The following MTRFR variants were observed in gnomAD, a reference collection of about 807,000 sequenced individuals.
MTRFR encodes mitochondrial translation release factor in rescue, also known as probable peptide chain release factor C12orf65, mitochondrial.
Under a neutral mutation model 11.9 loss-of-function variants are expected in MTRFR, and 10 were observed. The observed-to-expected ratio is 0.84, with a 90% CI of 0.52 to 1.42. The LOEUF (loss-of-function observed/expected upper bound fraction) is 1.42. Ranked by LOEUF, MTRFR falls within the 40% of genes most tolerant of loss-of-function variation. MTRFR has a pLI of 0.00. For synonymous variants in MTRFR, 77 were observed against 79.1 expected (o/e 0.97, Z 0.14); for missense variants, 196 against 197.9 (o/e 0.99, Z 0.06).
intron 1 of MTRFR, among the ~76,000 whole-genome samples, chr12:123,245,876 T>A (rs868551008): frequency 6.6e-6 from 1 of 152,156 alleles, no homozygotes; most frequent in South Asian, 2.1e-4. Flanking sequence ...TTCCTCTTTA[T>A]GGATGTGGAT....
At chr12:123,253,985 A>T in intron 2 of MTRFR, 29 bp downstream of exon 2, 1 of 1,612,306 alleles carries the variant, frequency 6.2e-7, no homozygotes, top group Non-Finnish European at 8.5e-7. Context: ...CTGAGGGGAG[A>T]GGCCCCGCCC....
rs1197939863 is a variant in MTRFR, at chr12:123,253,973, C to A, written c.282+17C>A. The A allele has an allele frequency of 1.2e-6, 2 of 1,613,560 alleles. No individual in the cohort carries two copies. The highest frequency in any genetic ancestry group is 1.7e-6 in the Non-Finnish European group (2 of 1,179,714). ...GTTGTAAAGGTAGATCACAGAAGGC[C>A]GCTGAGGGGAGAGGCCCCGCCCAAG... On this transcript the variant is annotated intron_variant, in intron 2 of 2. Coordinates refer to ENST00000253233, the MANE Select transcript of MTRFR (RefSeq NM_152269.5).
intron 1 of MTRFR, among the ~76,000 whole-genome samples, chr12:123,242,546 G>A (rs1240897846): frequency 6.6e-6 from 1 of 152,066 alleles, no homozygotes; most frequent in Non-Finnish European, 1.5e-5. Context: ...ATTGGAGTAG[G>A]GCCAAAGCTC....
intron 1 of MTRFR, among the ~76,000 whole-genome samples, chr12:123,234,620 T>C (rs2047807441): frequency 4.0e-5 from 6 of 151,850 alleles, no homozygotes; most frequent in Admixed American, 3.9e-4. Context: ...TGGTCTCGAA[T>C]TCCTGACCTC....
chr12:123,241,828 A>C (rs1008715831), intron 1 of MTRFR, among the ~76,000 whole-genome samples: 9 of 152,092 alleles, frequency 5.9e-5, no homozygotes, highest in Non-Finnish European at 8.8e-5. Flanking sequence ...TCTTGGTTTG[A>C]GTTGAATTTG....
intron 2 of MTRFR, 30 bp downstream of exon 2, chr12:123,253,986 G>C: frequency 6.2e-7 from 1 of 1,612,370 alleles, no homozygotes; most frequent in Non-Finnish European, 8.5e-7. Flanking sequence ...TGAGGGGAGA[G>C]GCCCCGCCCA....
intron 1 of MTRFR, chr12:123,250,022 G>A (rs2048094610): frequency 6.6e-6 from 1 of 152,190 alleles, no homozygotes; most frequent in Admixed American, 6.5e-5. Context: ...ATTATTCTTA[G>A]GTTTGGTCGT....
intron 1 of MTRFR, among the ~76,000 whole-genome samples, chr12:123,240,130 G>C (rs972074449): frequency 5.9e-5 from 9 of 151,456 alleles, no homozygotes; most frequent in African/African-American, 2.2e-4. Flanking sequence ...TTGAGAGGCT[G>C]AGGCTTGTGG....
intron 1 of MTRFR, among the ~76,000 whole-genome samples, chr12:123,240,209 CAA>C (rs55859746): frequency 0.32 from 42,695 of 134,836 alleles, 6,435 homozygotes; most frequent in South Asian, 0.37. Context: ...ATTAAAAATA[CAA>C]AAAAAAAAAA....
intron 1 of MTRFR, among the ~76,000 whole-genome samples, chr12:123,234,229 A>G (rs970752038): frequency 6.6e-6 from 1 of 152,158 alleles, no homozygotes; most frequent in African/African-American, 2.4e-5. Flanking sequence ...ATTTACCTCC[A>G]GGAGTTCTGG....
chr12:123,245,393 A>AT (rs559314638), intron 1 of MTRFR, among the ~76,000 whole-genome samples: 7 of 150,948 alleles, frequency 4.6e-5, no homozygotes, highest in African/African-American at 7.3e-5. Flanking sequence ...TGAATTTTAG[A>AT]TTTTTTTTTC....
chr12:123,252,963 T>TTTGATTTCAGAGATTCTCAAACA, intron 1 of MTRFR, among the ~76,000 whole-genome samples: 1 of 152,238 alleles, frequency 6.6e-6, no homozygotes, highest in East Asian at 1.9e-4. Context: ...ATCTTTACAT[T>TTTGATTTCAGAGATTCTCAAACA]TTGATTTCAG....
At chr12:123,243,542 A>C (rs28668335) in intron 1 of MTRFR, among the ~76,000 whole-genome samples, 99 of 139,978 alleles carry the variant, frequency 7.1e-4, no homozygotes, top group Non-Finnish European at 1.1e-3. Flanking sequence ...AAAAAAAAAA[A>C]AAAAATACAA....
At position 123,256,800 on chromosome 12, in the gene MTRFR, T is replaced by A; in HGVS notation, c.283-13T>A. The stretch of plus-strand genomic sequence containing the variant: ...CCTGTGGTTTTCACATTATAAAATA[T>A]TATCTCTTACAGTGCCATCAGACAA... On this transcript the variant is annotated splice_polypyrimidine_tract_variant and intron_variant, in intron 2 of 2. Coordinates refer to ENST00000253233, the MANE Select transcript of MTRFR (RefSeq NM_152269.5). The A allele has an allele frequency of 6.3e-7, 1 of 1,597,856 alleles. No individual in the cohort carries two copies. The highest frequency in any genetic ancestry group is 1.1e-5 in the South Asian group (1 of 90,536).
At chr12:123,242,579 G>C (rs2047957881) in intron 1 of MTRFR, among the ~76,000 whole-genome samples, 1 of 152,144 alleles carries the variant, frequency 6.6e-6, no homozygotes, top group Admixed American at 6.5e-5. Flanking sequence ...AAAGTGTCTA[G>C]AATTGTCTGA....
rs544567010 is a variant in MTRFR, at chr12:123,242,644, CCTT to C, written c.-29+9117_-29+9119del. On this transcript the variant is annotated intron_variant, in intron 1 of 2. Transcript: ENST00000253233. Reference sequence around the variant, plus strand: ...GCAGCCAGTAACTGAACACCGGAGACCTTCTTGAACTCCAGCTGGGTGGGAGAC... The same window carrying C: ...GCAGCCAGTAACTGAACACCGGAGACCTTGAACTCCAGCTGGGTGGGAGAC... Among the ~76,000 whole-genome samples, 1,017 of 152,298 alleles carry C rather than the reference CCTT, an allele frequency of 6.7e-3. 3 individuals are homozygous for C. The highest frequency in any genetic ancestry group is 0.011 in the Non-Finnish European group (720 of 68,028).
chr12:123,238,724 C>T (rs2047888181), intron 1 of MTRFR, among the ~76,000 whole-genome samples: 1 of 152,184 alleles, frequency 6.6e-6, no homozygotes, highest in African/African-American at 2.4e-5. Context: ...CTCTGCATCA[C>T]CTGAGGATCT....
intron 2 of MTRFR, among the ~76,000 whole-genome samples, chr12:123,256,591 G>A (rs2048184216): frequency 6.6e-6 from 1 of 152,040 alleles, no homozygotes; most frequent in Non-Finnish European, 1.5e-5. Context: ...AGCTACTTGG[G>A]AGGCTGAGGC....
intron 1 of MTRFR, among the ~76,000 whole-genome samples, chr12:123,245,707 G>T (rs2048029423): frequency 6.6e-6 from 1 of 152,102 alleles, no homozygotes; most frequent in African/African-American, 2.4e-5. Flanking sequence ...TTCTCCACTT[G>T]GTCGCTGTTG....
Sources: gnomAD v4.1 joint callset for allele counts (sites outside exome capture counted in the v4.1 genomes callset) on GRCh38, gnomAD v4.1.1 for gene constraint, MANE v1.5 for transcripts, NCBI Gene and HGNC (gene_info 2026-07-23, HGNC 2026-07-21) for gene names.